The following MDGA2 variants were observed in gnomAD, a reference collection of about 807,000 sequenced individuals.
MDGA2 encodes MAM domain-containing glycosylphosphatidylinositol anchor protein 2.
Under a neutral mutation model 117.8 loss-of-function variants are expected in MDGA2, and 40 were observed. That is an observed-to-expected ratio of 0.34 (90% CI 0.26 to 0.44). The LOEUF (loss-of-function observed/expected upper bound fraction) is 0.44. MDGA2 is among the 20% of genes least tolerant of loss of function. MDGA2 has a pLI of 1.00. For missense variants in MDGA2, 1,123 were observed against 1,250.6 expected, an observed-to-expected ratio of 0.90 and a Z score of 1.54; for synonymous variants, 452 against 439.0, an observed-to-expected ratio of 1.03 and a Z score of -0.37.
intron 2 of MDGA2, among the ~76,000 whole-genome samples, chr14:47,278,035 G>A (rs1484607032): frequency 6.6e-6 from 1 of 152,014 alleles, no homozygotes; most frequent in Non-Finnish European, 1.5e-5. Context: ...AGCTATAGAG[G>A]GGAGTAAAGG....
chr14:47,670,396 A>G (rs1898052564), intron 1 of MDGA2, among the ~76,000 whole-genome samples: 1 of 152,198 alleles, frequency 6.6e-6, no homozygotes, highest in Admixed American at 6.5e-5. Context: ...GATGACCAGA[A>G]GTAAAATTAC....
chr14:47,201,008 C>A, intron 3 of MDGA2: 1 of 914,830 alleles, frequency 1.1e-6, no homozygotes, highest in Non-Finnish European at 1.8e-6. Context: ...ACGACCACCA[C>A]TTTCCTGCCC....
intron 8 of MDGA2, among the ~76,000 whole-genome samples, chr14:47,030,159 G>T (rs1351445653): frequency 6.6e-6 from 1 of 151,894 alleles, no homozygotes; most frequent in Non-Finnish European, 1.5e-5. Flanking sequence ...TATATATTTG[G>T]AAATCCAATG....
intron 1 of MDGA2, among the ~76,000 whole-genome samples, chr14:47,673,304 G>C (rs1898108763): frequency 6.6e-6 from 1 of 152,128 alleles, no homozygotes; most frequent in African/African-American, 2.4e-5. Flanking sequence ...TCAGTTCCAG[G>C]GTCTGCAGGG....
At chr14:47,347,474 A>G (rs367799035) in intron 1 of MDGA2, among the ~76,000 whole-genome samples, 20 of 152,340 alleles carry the variant, frequency 1.3e-4, no homozygotes, top group Middle Eastern at 3.4e-3. Flanking sequence ...AAAGGAATGG[A>G]AAGAATTGGT....
At chr14:47,251,908 T>C (rs1285510765) in intron 2 of MDGA2, among the ~76,000 whole-genome samples, 7 of 151,244 alleles carry the variant, frequency 4.6e-5, no homozygotes, top group African/African-American at 1.5e-4. Flanking sequence ...AGTATTTGAC[T>C]CAGAACAAGG....
intron 1 of MDGA2, among the ~76,000 whole-genome samples, chr14:47,454,615 C>T (rs1429181345): frequency 2.6e-5 from 4 of 151,956 alleles, no homozygotes; most frequent in Admixed American, 6.6e-5. Flanking sequence ...TACACATGTA[C>T]CTGATTCTCT....
intron 1 of MDGA2, among the ~76,000 whole-genome samples, chr14:47,309,548 A>G (rs570003854): frequency 2.4e-4 from 37 of 152,222 alleles, no homozygotes; most frequent in African/African-American, 8.4e-4. Context: ...GCATTGTTAT[A>G]AAGTAACTGA....
intron 8 of MDGA2, among the ~76,000 whole-genome samples, chr14:47,012,980 G>A (rs996741985): frequency 1.3e-5 from 2 of 152,076 alleles, no homozygotes; most frequent in South Asian, 2.1e-4. Flanking sequence ...AGCCTTCATC[G>A]AGTTGTACTC....
At chr14:47,426,610 T>G (rs1892694925) in intron 1 of MDGA2, among the ~76,000 whole-genome samples, 1 of 150,766 alleles carries the variant, frequency 6.6e-6, no homozygotes, top group African/African-American at 2.4e-5. Context: ...AGATTAATAT[T>G]TTGTAAAAAA....
intron 3 of MDGA2, among the ~76,000 whole-genome samples, chr14:47,176,831 C>T (rs1323346711): frequency 2.0e-5 from 3 of 152,080 alleles, no homozygotes; most frequent in African/African-American, 7.2e-5. Flanking sequence ...AGCTTCTGCA[C>T]AGCAAAAGAA....
chr14:47,074,325 G>T (rs1890409849), intron 6 of MDGA2, among the ~76,000 whole-genome samples: 1 of 150,220 alleles, frequency 6.7e-6, no homozygotes, highest in South Asian at 2.1e-4. Context: ...TTTGAACGTG[G>T]AGTCTCGCTC....
intron 1 of MDGA2, among the ~76,000 whole-genome samples, chr14:47,524,126 AT>A (rs1205345023): frequency 6.6e-6 from 1 of 152,176 alleles, no homozygotes; most frequent in African/African-American, 2.4e-5. Flanking sequence ...TATGAAAAGC[AT>A]ATTTTTGAAG....
rs531087344 is a variant in MDGA2, at chr14:47,426,477, G to A, written c.281-124927C>T. ...CAAGATGATCTGGGTATAACTGTTC[G>A]TTTAACAAAAAGATAGCAACCATTT... On this transcript the variant is annotated intron_variant, in intron 1 of 16. Coordinates refer to ENST00000399232, the MANE Select transcript of MDGA2 (RefSeq NM_001113498.3). Among the ~76,000 whole-genome samples the A allele has an allele frequency of 3.9e-4, 59 of 151,590 alleles. 1 individual carries two copies. Among genetic ancestry groups the A allele is most frequent in the African/African-American group, 1.3e-3 (55 of 41,352 alleles).
At chr14:46,859,908 T>C (rs987460486) in intron 14 of MDGA2, among the ~76,000 whole-genome samples, 2 of 152,110 alleles carry the variant, frequency 1.3e-5, no homozygotes, top group African/African-American at 2.4e-5. Context: ...AAAGACAATA[T>C]AACATTATCA....
Position 47,435,548 on chromosome 14 carries a change from C to T in MDGA2, c.281-133998G>A, listed in dbSNP as rs139212537. 2.0e-5 allele frequency among the ~76,000 whole-genome samples: 3 copies of T among 152,214 alleles called. No homozygotes were observed. In the East Asian group the frequency reaches 5.8e-4, roughly 29 times the overall value. On this transcript the variant is annotated intron_variant, in intron 1 of 16. Coordinates refer to ENST00000399232, the MANE Select transcript of MDGA2 (RefSeq NM_001113498.3). ...AAACCCTCAACCCACATTTTAACCA[C>T]CTGGCTTAGCACTGTCTAGGACCTA...
intron 1 of MDGA2, among the ~76,000 whole-genome samples, chr14:47,400,314 CCTT>C (rs1170037078): frequency 2.0e-5 from 3 of 151,984 alleles, no homozygotes; most frequent in African/African-American, 7.3e-5. Context: ...TGTTTAATTC[CCTT>C]CTTTTTATGA....
chr14:47,231,417 C>G (rs1184748571), intron 2 of MDGA2, among the ~76,000 whole-genome samples: 1 of 152,022 alleles, frequency 6.6e-6, no homozygotes, highest in African/African-American at 2.4e-5. Flanking sequence ...CCATCTGAGT[C>G]CAGAGCCTGT....
Position 47,400,724 on chromosome 14 carries a change from C to CT in MDGA2, c.281-99175dup, listed in dbSNP as rs111345438. ...AAAAAAAAAACCCTTAGTGGTAAGG[C>CT]TTTTTTTTTTTTCTTTTTCTTTTCT... On this transcript the variant is annotated intron_variant, in intron 1 of 16. Transcript: ENST00000399232. 8.8e-4 allele frequency among the ~76,000 whole-genome samples: 114 copies of CT among 129,110 alleles called. 1 individual carries two copies. Among genetic ancestry groups the CT allele is most frequent in the African/African-American group, 1.0e-3 (36 of 34,912 alleles). 84.7% of individuals were successfully genotyped at this position (129,110 alleles called of 152,430 possible). A position where few individuals can be genotyped will look rare whatever the true frequency, so the allele number is the denominator to read the frequency against.
Sources: allele counts gnomAD v4.1 joint callset (sites outside exome capture counted in the v4.1 genomes callset), GRCh38; gene constraint gnomAD v4.1.1; transcripts MANE v1.5; gene names NCBI Gene and HGNC (gene_info 2026-07-23, HGNC 2026-07-21).